The following EML5 variants were observed in gnomAD, a reference collection of about 807,000 sequenced individuals.
EML5 encodes the protein echinoderm microtubule-associated protein-like 5.
A neutral mutation model predicts 250.0 loss-of-function variants in EML5; 120 were observed. The observed-to-expected ratio is 0.48, with a 90% CI of 0.41 to 0.56. The LOEUF is 0.56. EML5 is among the 20% of genes least tolerant of loss of function. The probability of loss-of-function intolerance (pLI) is 0.00; values close to 1 mark genes in which losing one functional copy is unlikely to be tolerated. For synonymous variants in EML5, 771 were observed against 806.5 expected (o/e 0.96, Z 0.75); for missense variants, 2,006 against 2,437.6 (o/e 0.82, Z 3.73).
chr14:88,724,036 C>T (rs1397276789), intron 8 of EML5, among the ~76,000 whole-genome samples: 4 of 151,280 alleles, frequency 2.6e-5, no homozygotes, highest in East Asian at 1.9e-4. Flanking sequence ...TCTGGGAGGC[C>T]GAGGCGGGCA....
intron 27 of EML5, among the ~76,000 whole-genome samples, chr14:88,655,713 T>C (rs2091843087): frequency 6.6e-6 from 1 of 152,156 alleles, no homozygotes; most frequent in Non-Finnish European, 1.5e-5. Flanking sequence ...GAGAAAATTT[T>C]TGCAATCTAT....
In EML5 at chr14:88,635,500, AT is replaced by A. The variant is rs200908814; in HGVS notation, c.4337-1012del. Among the ~76,000 whole-genome samples the A allele has an allele frequency of 4.5e-4, 69 of 152,338 alleles. No homozygotes were observed. In the East Asian group the frequency reaches 0.013, roughly 28 times the overall value. ...AACAGGGTCTGGGACAGAAGTACAA[AT>A]GAAAGCTTGAATGTCATCGGCCTAA... On this transcript the variant is annotated intron_variant, in intron 32 of 43. Coordinates refer to ENST00000554922, the MANE Select transcript of EML5 (RefSeq NM_183387.3).
intron 8 of EML5, among the ~76,000 whole-genome samples, chr14:88,717,876 GCTT>G (rs1478386357): frequency 6.6e-6 from 1 of 152,188 alleles, no homozygotes; most frequent in Non-Finnish European, 1.5e-5. Context: ...AAAAAAGTGA[GCTT>G]CTTTAAAATA....
At chr14:88,743,925 T>C (rs2093965270) in intron 4 of EML5, 98 bp downstream of exon 4, 3 of 664,560 alleles carry the variant, frequency 4.5e-6, no homozygotes, top group South Asian at 7.9e-5. Context: ...ATAAGTACTA[T>C]CAAAATTCTG....
chr14:88,744,835 A>G (rs1246560899), intron 3 of EML5, among the ~76,000 whole-genome samples: 1 of 152,078 alleles, frequency 6.6e-6, no homozygotes, highest in Non-Finnish European at 1.5e-5. Flanking sequence ...CATTTTTGGT[A>G]TACTAAAATG....
Position 88,615,745 on chromosome 14 carries a change from A to C in EML5, c.*73T>G, listed in dbSNP as rs2087495416. The C allele has an allele frequency of 3.5e-6, 5 of 1,448,982 alleles. No homozygotes were observed. The East Asian group carries it at 1.2e-4, about 34-fold the overall frequency. The allele number at this position is 1,448,982 out of a possible 1,614,324, so 89.8% of individuals were successfully genotyped here. A position where few individuals can be genotyped will look rare whatever the true frequency, so the allele number is the denominator to read the frequency against. ...TTGGGTTAGCACCACTTGACCATGCAGGGTTGGGTTTTGGTTTTTCTTCTC... is the reference window on the plus strand; with the variant it reads ...TTGGGTTAGCACCACTTGACCATGCCGGGTTGGGTTTTGGTTTTTCTTCTC... On this transcript the variant is annotated 3_prime_UTR_variant, in exon 44 of 44. Coordinates refer to ENST00000554922, the MANE Select transcript of EML5 (RefSeq NM_183387.3).
In EML5 at chr14:88,675,537, C is replaced by T. The variant is rs373383288; in HGVS notation, c.3124+6353G>A. ...GGGCCCGTGGCCTGGCCCACAAAAC[C>T]ATCTTTTCCTCCTAGGCCTCCAGGC... On this transcript the variant is annotated intron_variant, in intron 21 of 43. Coordinates refer to ENST00000554922, the MANE Select transcript of EML5 (RefSeq NM_183387.3). 1.6e-4 allele frequency among the ~76,000 whole-genome samples: 25 copies of T among 152,290 alleles called. 1 individual carries two copies. The South Asian group carries it at 5.2e-3, about 32-fold the overall frequency.
intron 19 of EML5, among the ~76,000 whole-genome samples, 191 bp from the exon 20 acceptor site, chr14:88,685,333 C>G (rs2092808736): frequency 6.6e-6 from 1 of 152,162 alleles, no homozygotes; most frequent in Non-Finnish European, 1.5e-5. Flanking sequence ...TAAGTACCAC[C>G]TATGTCTTAT....
At chr14:88,707,862 GCTA>G (rs562258041) in intron 10 of EML5, among the ~76,000 whole-genome samples, 125 of 152,224 alleles carry the variant, frequency 8.2e-4, no homozygotes, top group South Asian at 3.7e-3. Flanking sequence ...GAGGGCTTTG[GCTA>G]CTACTACTAC....
At chr14:88,636,379 A>G (rs1394128689) in intron 32 of EML5, among the ~76,000 whole-genome samples, 2 of 152,080 alleles carry the variant, frequency 1.3e-5, no homozygotes, top group African/African-American at 4.8e-5. Context: ...AGAGAAGCAA[A>G]AGGCTGGGCA....
intron 8 of EML5, among the ~76,000 whole-genome samples, chr14:88,716,167 T>C (rs2093489969): frequency 6.6e-6 from 1 of 152,204 alleles, no homozygotes; most frequent in African/African-American, 2.4e-5. Context: ...TCAGTTGTAT[T>C]TGAGTCACTA....
At chr14:88,776,225 T>C (rs2094446030) in intron 1 of EML5, among the ~76,000 whole-genome samples, 1 of 152,108 alleles carries the variant, frequency 6.6e-6, no homozygotes, top group Non-Finnish European at 1.5e-5. Context: ...TCTACTAGCA[T>C]CAACACCATC....
chr14:88,657,758 T>C (rs1044639204), intron 26 of EML5, among the ~76,000 whole-genome samples: 1 of 152,160 alleles, frequency 6.6e-6, no homozygotes, highest in Non-Finnish European at 1.5e-5. Flanking sequence ...TAAAAAAATA[T>C]TAGCTACATA....
chr14:88,792,747 G>A lies in EML5; in HGVS notation c.-244C>T. 1 of 1,065,854 alleles carries A rather than the reference G, an allele frequency of 9.4e-7. No homozygotes were observed. Among genetic ancestry groups the A allele is most frequent in the Non-Finnish European group, 1.1e-6 (1 of 882,720 alleles). The allele number at this position is 1,065,854 out of a possible 1,614,324, so 66.0% of individuals were successfully genotyped here. ...GAGCGCCGCCGGCTGTCAAGTGGAT[G>A]CCCAGAGCCCTTCGCCCGCCTCGGC... On this transcript the variant is annotated 5_prime_UTR_variant, in exon 1 of 44. Transcript: ENST00000554922. The surrounding 1 kb of genome is among the most constrained non-coding windows in gnomAD (Gnocchi z 6.9).
chr14:88,622,570 C>A, intron 37 of EML5, 34 bp downstream of exon 37: 1 of 1,509,774 alleles, frequency 6.6e-7, no homozygotes, highest in Non-Finnish European at 9.0e-7. Flanking sequence ...TTTCTGTTTT[C>A]TGCTGCACTG....
chr14:88,728,694 G>A (rs2093705586), intron 7 of EML5, among the ~76,000 whole-genome samples: 1 of 152,054 alleles, frequency 6.6e-6, no homozygotes, highest in Non-Finnish European at 1.5e-5. Flanking sequence ...CCTATAAGTG[G>A]ACCCATGCAG....
chr14:88,756,275 T>C (rs2094157680), intron 1 of EML5, among the ~76,000 whole-genome samples: 1 of 152,164 alleles, frequency 6.6e-6, no homozygotes, highest in Non-Finnish European at 1.5e-5. Flanking sequence ...TTTATCTCAA[T>C]AGACACAGAA....
chr14:88,666,888 G>C (rs2092323352), intron 21 of EML5, among the ~76,000 whole-genome samples: 1 of 152,154 alleles, frequency 6.6e-6, no homozygotes, highest in Non-Finnish European at 1.5e-5. Context: ...GCATACATTG[G>C]AAATGAAGAA....
At position 88,662,943 on chromosome 14, in the gene EML5, C is replaced by T. The variant is rs1480049568; in HGVS notation, c.3498+88G>A. The T allele has an allele frequency of 5.2e-5, 47 of 904,306 alleles. No individual in the cohort carries two copies. The South Asian group carries it at 5.3e-4, about 10-fold the overall frequency. 56.0% of individuals were successfully genotyped at this position (904,306 alleles called of 1,614,324 possible). A position where few individuals can be genotyped will look rare whatever the true frequency, so the allele number is the denominator to read the frequency against. On this transcript the variant is annotated intron_variant, in intron 24 of 43. Transcript: ENST00000554922. ...TTTAATAATTTGAGAACAGACTTCA[C>T]GTGTAACTAAACGATAGAAAGTAGG...
Sources: gnomAD v4.1 joint callset for allele counts (sites outside exome capture counted in the v4.1 genomes callset) on GRCh38, gnomAD v4.1.1 for gene constraint, Gnocchi (gnomAD v3.1) non-coding constraint, MANE v1.5 for transcripts, NCBI Gene and HGNC (gene_info 2026-07-23, HGNC 2026-07-21) for gene names.